The following SYT16 variants were observed in gnomAD, a reference collection of about 807,000 sequenced individuals.
SYT16 encodes synaptotagmin 16.
SYT16 carries 42 observed loss-of-function variants against 61.4 expected under a neutral mutation model. The ratio of observed to expected loss-of-function variants is 0.68; its 90% CI spans 0.53 to 0.89. The LOEUF (loss-of-function observed/expected upper bound fraction) is 0.89. SYT16 is among the 40% of genes least tolerant of loss of function. The pLI, the probability that SYT16 is intolerant of heterozygous loss-of-function variation, is 0.00. For synonymous variants in SYT16, 314 were observed against 302.3 expected, an observed-to-expected ratio of 1.04 and a Z score of -0.40; for missense variants, 804 against 807.3, an observed-to-expected ratio of 1.00 and a Z score of 0.05.
At chr14:61,887,959 G>A (rs2047972550) in intron 1 of SYT16, among the ~76,000 whole-genome samples, 1 of 152,032 alleles carries the variant, frequency 6.6e-6, no homozygotes, top group Non-Finnish European at 1.5e-5. Context: ...TAACTCTTTG[G>A]TGCAAGAGGC....
At chr14:61,882,561 A>G (rs1339940885) in intron 1 of SYT16, among the ~76,000 whole-genome samples, 1 of 152,148 alleles carries the variant, frequency 6.6e-6, no homozygotes. Flanking sequence ...TCAAGATGAG[A>G]TTTTGGGTGA....
At chr14:61,828,029 C>T (rs1368715372) in intron 1 of SYT16, among the ~76,000 whole-genome samples, 1 of 152,144 alleles carries the variant, frequency 6.6e-6, no homozygotes, top group African/African-American at 2.4e-5. Context: ...AGAGCGAGCC[C>T]CAATTCAATA....
chr14:61,949,874 A>G (rs534178809), intron 1 of SYT16, among the ~76,000 whole-genome samples: 1 of 152,354 alleles, frequency 6.6e-6, no homozygotes, highest in South Asian at 2.1e-4. Context: ...AGTTCAGCAC[A>G]TAGCTTGCTA....
intron 3 of SYT16, among the ~76,000 whole-genome samples, chr14:62,048,688 G>C (rs183726552): frequency 7.7e-4 from 117 of 152,182 alleles, no homozygotes; most frequent in African/African-American, 2.7e-3. Flanking sequence ...CTTTGTTCTT[G>C]TTGGTTTCAA....
intron 1 of SYT16, among the ~76,000 whole-genome samples, chr14:61,968,937 C>T (rs1032034119): frequency 6.6e-6 from 1 of 152,148 alleles, no homozygotes; most frequent in Non-Finnish European, 1.5e-5. Context: ...AAGCTATTAT[C>T]TTGCCTGCTA....
chr14:62,028,427 G>A (rs1008183868), intron 3 of SYT16, among the ~76,000 whole-genome samples: 1 of 152,192 alleles, frequency 6.6e-6, no homozygotes, highest in African/African-American at 2.4e-5. Flanking sequence ...GAGGCACAGA[G>A]CATTTAAACT....
intron 1 of SYT16, among the ~76,000 whole-genome samples, chr14:61,962,838 T>A (rs2051167272): frequency 6.6e-6 from 1 of 152,172 alleles, no homozygotes; most frequent in Non-Finnish European, 1.5e-5. Context: ...TGTGTTTGGT[T>A]CTTTATTTCT....
In SYT16 at chr14:61,844,575, T is replaced by A. The variant is rs190062179; in HGVS notation, c.-325+31765T>A. 5.8e-3 allele frequency among the ~76,000 whole-genome samples: 878 copies of A among 152,254 alleles called. 12 individuals carry two copies. Among genetic ancestry groups the A allele is most frequent in the African/African-American group, 0.02 (851 of 41,542 alleles). Reference sequence around the variant, plus strand: ...GTATGTTCCTCTATACCCATTTTTTTAGAGTTTTTATCATGAAGGGATGTT... The same window carrying A: ...GTATGTTCCTCTATACCCATTTTTTAAGAGTTTTTATCATGAAGGGATGTT... On this transcript the variant is annotated intron_variant, in intron 1 of 7. Transcript: ENST00000683842.
rs550690324 is a variant in SYT16 at position 61,842,634 on chromosome 14, A to G, written c.-325+29824A>G. 1.5e-3 allele frequency among the ~76,000 whole-genome samples: 228 copies of G among 152,294 alleles called. 2 individuals are homozygous for G. Among genetic ancestry groups the G allele is most frequent in the African/African-American group, 5.2e-3 (216 of 41,566 alleles). On this transcript the variant is annotated intron_variant, in intron 1 of 7. Coordinates refer to ENST00000683842, the MANE Select transcript of SYT16 (RefSeq NM_001367656.1). ...GTTCATGTCCTTTGTAGGGACATGG[A>G]TGAAGCTGGAAACCATCATTCTCAG...
chr14:62,084,076 A>G (rs2056802676), intron 6 of SYT16, 120 bp from the exon 7 acceptor site: 1 of 1,206,596 alleles, frequency 8.3e-7, no homozygotes. Context: ...GTGCGCCCTT[A>G]GTCATCTTTG....
chr14:61,865,203 G>C (rs1368455930), intron 1 of SYT16: 15 of 1,129,872 alleles, frequency 1.3e-5, no homozygotes, highest in Non-Finnish European at 1.7e-5. Context: ...GACTATAAGC[G>C]ACTTCTGGAT....
chr14:62,075,635 A>T (rs2056470218), intron 5 of SYT16, among the ~76,000 whole-genome samples: 1 of 151,094 alleles, frequency 6.6e-6, no homozygotes, highest in African/African-American at 2.4e-5. Context: ...AAAGAAAAAA[A>T]AATAAGAATG....
intron 1 of SYT16, among the ~76,000 whole-genome samples, chr14:61,929,431 A>G (rs1253442851): frequency 6.6e-6 from 1 of 152,212 alleles, no homozygotes. Context: ...GGAGAGATTC[A>G]CAAAAAGATG....
rs149375459 is a variant in SYT16 at position 61,926,734 on chromosome 14, A to T, written c.-324-43398A>T. On this transcript the variant is annotated intron_variant, in intron 1 of 7. Coordinates refer to ENST00000683842, the MANE Select transcript of SYT16 (RefSeq NM_001367656.1). The stretch of plus-strand genomic sequence containing the variant: ...CTTTTTAGGTGAATTTTAAGGGGAC[A>T]TGAATACATTCTATGAATATATTTA... 2.6e-4 allele frequency among the ~76,000 whole-genome samples: 39 copies of T among 152,250 alleles called. 1 individual carries two copies. In the East Asian group the frequency reaches 7.5e-3, roughly 29 times the overall value.
At chr14:61,840,206 C>T (rs560802828) in intron 1 of SYT16, among the ~76,000 whole-genome samples, 20 of 152,154 alleles carry the variant, frequency 1.3e-4, no homozygotes, top group African/African-American at 4.3e-4. Flanking sequence ...GATTTGGAGG[C>T]CAAGATAATG....
At chr14:61,840,333 G>C (rs2140251187) in intron 1 of SYT16, among the ~76,000 whole-genome samples, 1 of 152,272 alleles carries the variant, frequency 6.6e-6, no homozygotes, top group Non-Finnish European at 1.5e-5. Context: ...AGTTTTGGGA[G>C]ACATCAGTGA....
chr14:61,913,428 T>A (rs2049005887), intron 1 of SYT16, among the ~76,000 whole-genome samples: 1 of 152,166 alleles, frequency 6.6e-6, no homozygotes, highest in Admixed American at 6.6e-5. Flanking sequence ...TTAAAAAAAA[T>A]TATTTTTCTT....
chr14:61,864,677 C>G (rs1381960598), intron 1 of SYT16, among the ~76,000 whole-genome samples: 1 of 152,248 alleles, frequency 6.6e-6, no homozygotes, highest in African/African-American at 2.4e-5. Context: ...TATGCCGGTC[C>G]CTACCCTAGA....
chr14:61,886,880 C>CTTTTTTTTTTTTTTTTTTTTTTTTTTT (rs371140698), intron 1 of SYT16, among the ~76,000 whole-genome samples: 13 of 110,848 alleles, frequency 1.2e-4, no homozygotes, highest in African/African-American at 1.3e-4. Context: ...TTTTTTTTGT[C>CTTTTTTTTTTTTTTTTTTTTTTTTTTT]TTTTTTTTTT....
Sources: gnomAD v4.1 joint callset for allele counts (sites outside exome capture counted in the v4.1 genomes callset) on GRCh38, gnomAD v4.1.1 for gene constraint, MANE v1.5 for transcripts, NCBI Gene and HGNC (gene_info 2026-07-23, HGNC 2026-07-21) for gene names.